The following SPTBN5 variants were observed in gnomAD, a reference collection of about 807,000 sequenced individuals.
SPTBN5 encodes the protein spectrin beta chain, non-erythrocytic 5.
Under a neutral mutation model 477.6 loss-of-function variants are expected in SPTBN5, and 513 were observed. That is an observed-to-expected ratio of 1.07 (90% CI 1.00 to 1.16). The LOEUF (loss-of-function observed/expected upper bound fraction) is 1.16. Ranked by LOEUF, SPTBN5 falls within the 50% of genes most tolerant of loss-of-function variation. SPTBN5 has a pLI of 0.00. For synonymous variants in SPTBN5, 2,169 were observed against 2,011.7 expected, an observed-to-expected ratio of 1.08 and a Z score of -2.09; for missense variants, 5,062 against 4,731.8, an observed-to-expected ratio of 1.07 and a Z score of -2.05.
chr15:41,856,348 A>C, intron 53 of SPTBN5, 38 bp downstream of exon 53: 1 of 1,499,964 alleles, frequency 6.7e-7, no homozygotes, highest in Non-Finnish European at 8.9e-7. Flanking sequence ...CCTGTGTTCC[A>C]GGCTTGCCTG....
chr15:41,851,018 G>C, intron 65 of SPTBN5, 41 bp downstream of exon 65: 1 of 1,597,888 alleles, frequency 6.3e-7, no homozygotes, highest in South Asian at 1.1e-5. Flanking sequence ...GAGCCAGGTG[G>C]CTGCTGGGGG....
chr15:41,853,078 T>C, intron 59 of SPTBN5, 78 bp from the exon 60 acceptor site: 1 of 1,446,730 alleles, frequency 6.9e-7, no homozygotes, highest in South Asian at 1.4e-5. Flanking sequence ...GAGAGCCAAG[T>C]GTTAATGGAA....
rs369402065 is a variant in SPTBN5 at position 41,848,689 on chromosome 15, A to C, written c.11013-61T>G. 1.8e-4 allele frequency: 289 copies of C among 1,594,304 alleles called. No homozygotes were observed. The African/African-American group carries it at 2.5e-3, about 14-fold the overall frequency. On this transcript the variant is annotated intron_variant, in intron 67 of 67. Transcript: ENST00000320955. Reference sequence around the variant, plus strand: ...GCCACCCCAGAATCTTCTCCAAACAAACACACACTGGTGCCCCTGCCCTCC... The same window carrying C: ...GCCACCCCAGAATCTTCTCCAAACACACACACACTGGTGCCCCTGCCCTCC...
chr15:41,870,654 A>C, intron 29 of SPTBN5, 94 bp from the exon 30 acceptor site: 2 of 1,049,138 alleles, frequency 1.9e-6, no homozygotes, highest in Non-Finnish European at 2.8e-6. Flanking sequence ...CTCCTCTCTG[A>C]GTTGTATCGG....
intron 4 of SPTBN5, among the ~76,000 whole-genome samples, chr15:41,888,949 G>A (rs889360266): frequency 2.0e-5 from 3 of 152,344 alleles, no homozygotes; most frequent in Middle Eastern, 3.4e-3. Flanking sequence ...GCTGGCAGAC[G>A]GAACTAAGGA....
In SPTBN5 at chr15:41,863,178, G is replaced by A. The variant is rs140011886; in HGVS notation, c.7150-275C>T. ...TCTCATCCCTTGAGGAGCGAGAAAG[G>A]AAATAGAGCAAGGATGGACAGACAG... On this transcript the variant is annotated intron_variant, in intron 41 of 67. Coordinates refer to ENST00000320955, the MANE Select transcript of SPTBN5 (RefSeq NM_016642.4). 4.0e-3 allele frequency among the ~76,000 whole-genome samples: 604 copies of A among 152,360 alleles called. 4 individuals carry two copies. The highest frequency in any genetic ancestry group is 0.013 in the African/African-American group (556 of 41,566).
At chr15:41,887,180 C>A in intron 6 of SPTBN5, 33 bp downstream of exon 6, 1 of 1,541,130 alleles carries the variant, frequency 6.5e-7, no homozygotes, top group African/African-American at 1.4e-5. Context: ...CCTCTGGAGC[C>A]CTTGCTCACC....
chr15:41,874,804 A>T, intron 23 of SPTBN5, 38 bp downstream of exon 23: 4 of 1,571,076 alleles, frequency 2.5e-6, no homozygotes, highest in Non-Finnish European at 3.5e-6. Context: ...ATTCACATGG[A>T]GGAGTGACAC....
intron 51 of SPTBN5, 93 bp downstream of exon 51, chr15:41,857,145 G>T: frequency 6.6e-7 from 1 of 1,514,344 alleles, no homozygotes; most frequent in South Asian, 1.3e-5. Flanking sequence ...CATGGGCAAG[G>T]GGAGAAAGTG....
rs1377469736 is a variant in SPTBN5, at chr15:41,848,452, C to T, written c.*164G>A. On this transcript the variant is annotated 3_prime_UTR_variant, in exon 68 of 68. Transcript: ENST00000320955. ...GCTGTTTCCTGCCACATGGTAGGAC[C>T]CATCTAACCAGAAGGAACTGTCTAT... The T allele has an allele frequency of 1.3e-6, 1 of 777,594 alleles. No homozygotes were observed. Among genetic ancestry groups the T allele is most frequent in the Non-Finnish European group, 2.3e-6 (1 of 444,364 alleles). 48.2% of individuals were successfully genotyped at this position (777,594 alleles called of 1,614,324 possible).
Position 41,886,057 on chromosome 15 carries a change from A to C in SPTBN5, c.1198T>G (p.Trp400Gly), listed in dbSNP as rs1595511274. Residue 400 changes from tryptophan to glycine, a missense_variant, in exon 7 of 68, where the codon TGG (tryptophan) becomes GGG (glycine). Physicochemically the swap from Trp to Gly is radical, Grantham distance 184. Transcript: ENST00000320955. ...GLGLAELSQC[W>G]AGLEWAEAAR... Reference sequence around the variant, plus strand: ...GCCTCTGCCCACTCCAGCCCTGCCCAGCACTGGGACAGCTCTGCAAGGCCC... The same window carrying C: ...GCCTCTGCCCACTCCAGCCCTGCCCCGCACTGGGACAGCTCTGCAAGGCCC... 6.3e-7 allele frequency: 1 copy of C among 1,588,990 alleles called. No individual in the cohort carries two copies. Among genetic ancestry groups the C allele is most frequent in the Non-Finnish European group, 8.6e-7 (1 of 1,166,176 alleles).
At chr15:41,862,034 G>T in intron 44 of SPTBN5, 96 bp downstream of exon 44, 1 of 1,509,656 alleles carries the variant, frequency 6.6e-7, no homozygotes, top group Non-Finnish European at 8.9e-7. Flanking sequence ...GGCAGGGCGG[G>T]ACACTCAGGA....
Position 41,878,750 on chromosome 15 carries a change from C to T in SPTBN5, c.3183-121G>A, listed in dbSNP as rs536017970. Reference sequence around the variant, plus strand: ...GTGGTGCTGACTCTCAATGCCCACCCCACCCTTGACCTGGGGGCAGCAAGA... The same window carrying T: ...GTGGTGCTGACTCTCAATGCCCACCTCACCCTTGACCTGGGGGCAGCAAGA... On this transcript the variant is annotated intron_variant, in intron 16 of 67. Transcript: ENST00000320955. The T allele has an allele frequency of 1.9e-5, 21 of 1,110,598 alleles. No individual in the cohort carries two copies. In the African/African-American group the frequency reaches 3.0e-4, roughly 16 times the overall value. 68.8% of individuals were successfully genotyped at this position (1,110,598 alleles called of 1,614,324 possible).
intron 21 of SPTBN5, 118 bp from the exon 22 acceptor site, chr15:41,875,740 G>T: frequency 9.2e-7 from 1 of 1,081,452 alleles, no homozygotes; most frequent in Non-Finnish European, 1.3e-6. Context: ...TGCACTCCAC[G>T]GGCTGCCTGG....
intron 65 of SPTBN5, 21 bp downstream of exon 65, chr15:41,851,038 A>T: frequency 6.2e-7 from 1 of 1,607,156 alleles, no homozygotes; most frequent in Non-Finnish European, 8.5e-7. Flanking sequence ...GTGATGCCGG[A>T]GTCCATGTCT....
intron 21 of SPTBN5, among the ~76,000 whole-genome samples, chr15:41,875,864 T>C (rs1422087588): frequency 6.6e-6 from 1 of 152,120 alleles, no homozygotes; most frequent in Non-Finnish European, 1.5e-5. Flanking sequence ...AGCCGTGTTC[T>C]GGTAGAGGTG....
rs776789466 is a variant in SPTBN5, at chr15:41,876,220, T to G, written c.4016A>C (p.His1339Pro). Residue 1339 changes from histidine (H) to proline (P), a missense_variant, in exon 21 of 68, where the codon CAT becomes CCT. Coordinates refer to ENST00000320955, the MANE Select transcript of SPTBN5 (RefSeq NM_016642.4). The stretch of plus-strand genomic sequence containing the variant: ...GTTTCTGCGCGCTCCGGAGGGCTCA[T>G]GCGCAGCCATCAGCCCCTTCTCTTC... ...WMEEKGLMAA[H>P]EPSGARRNIL... The G allele has an allele frequency of 1.2e-6, 2 of 1,603,870 alleles. No homozygotes were observed. Among genetic ancestry groups the G allele is most frequent in the Non-Finnish European group, 1.7e-6 (2 of 1,178,868 alleles).
chr15:41,851,472 G>A, intron 63 of SPTBN5, 103 bp from the exon 64 acceptor site: 3 of 889,754 alleles, frequency 3.4e-6, no homozygotes, highest in South Asian at 1.7e-5. Context: ...AGGAAAAGCG[G>A]TGGATTGGAC....
At chr15:41,887,142 G>A in intron 6 of SPTBN5, 71 bp downstream of exon 6, 1 of 1,396,236 alleles carries the variant, frequency 7.2e-7, no homozygotes, top group Non-Finnish European at 9.9e-7. Flanking sequence ...GTACGTGGCA[G>A]GGCAGGCTTC....
Sources: gnomAD v4.1 joint callset for allele counts (sites outside exome capture counted in the v4.1 genomes callset) on GRCh38, gnomAD v4.1.1 for gene constraint, MANE v1.5 for transcripts, NCBI Gene and HGNC (gene_info 2026-07-23, HGNC 2026-07-21) for gene names.